Variants in RYR2 observed in about 807,000 individuals in gnomAD.
RYR2 encodes the protein cardiac muscle ryanodine receptor-calcium release channel.
Under a neutral mutation model 601.1 loss-of-function variants are expected in RYR2, and 227 were observed. That is an observed-to-expected ratio of 0.38 (90% CI 0.34 to 0.42). RYR2 has a LOEUF of 0.42. Ranked by LOEUF, RYR2 falls within the 10% of genes least tolerant of loss-of-function variation. The pLI is 1.00. For missense variants in RYR2, 4,646 were observed against 6,156.5 expected (o/e 0.75, Z 8.21); for synonymous variants, 2,223 against 2,175.1 (o/e 1.02, Z -0.61).
At chr1:237,401,425 C>T (rs1376731006) in intron 10 of RYR2, among the ~76,000 whole-genome samples, 1 of 149,652 alleles carries the variant, frequency 6.7e-6, no homozygotes, top group East Asian at 1.9e-4. Flanking sequence ...TCCCATAATC[C>T]CTTTAGATTC....
intron 1 of RYR2, among the ~76,000 whole-genome samples, chr1:237,162,238 T>C (rs1375638205): frequency 6.6e-6 from 1 of 152,188 alleles, no homozygotes; most frequent in Non-Finnish European, 1.5e-5. Flanking sequence ...ATTGGCCACC[T>C]TACTGTTTAT....
chr1:237,260,943 T>C (rs1008311713), intron 1 of RYR2, among the ~76,000 whole-genome samples: 4 of 152,216 alleles, frequency 2.6e-5, no homozygotes, highest in Non-Finnish European at 5.9e-5. Context: ...TGAATAAATA[T>C]AGACTGAGTG....
intron 1 of RYR2, among the ~76,000 whole-genome samples, chr1:237,109,715 C>G (rs1193010274): frequency 1.9e-5 from 1 of 52,424 alleles, no homozygotes; most frequent in African/African-American, 4.2e-5. Flanking sequence ...GAGCGAGACT[C>G]CGTCTCAAAA....
chr1:237,079,399 C>G (rs61831901), intron 1 of RYR2, among the ~76,000 whole-genome samples: 19,579 of 30,040 alleles, frequency 0.65, 6,999 homozygotes, highest in Middle Eastern at 0.78. Flanking sequence ...AGCCCAAAAT[C>G]TCCTTAAGCT....
chr1:237,429,593 A>G (rs2150090511), intron 12 of RYR2, among the ~76,000 whole-genome samples: 2 of 152,272 alleles, frequency 1.3e-5, no homozygotes, highest in South Asian at 4.2e-4. Context: ...CAGAAAGCTG[A>G]ATAGAGTCCA....
In RYR2 at chr1:237,426,863, G is replaced by A. The variant is rs150604876; in HGVS notation, c.1005+3615G>A. Among the ~76,000 whole-genome samples, 16 of 152,234 alleles carry A rather than the reference G, an allele frequency of 1.1e-4. No individual in the cohort carries two copies. The East Asian group carries it at 2.5e-3, about 24-fold the overall frequency. The stretch of plus-strand genomic sequence containing the variant: ...ACTGCATTCCAGCCTGGGCAACACA[G>A]TGAGACCAAGACTTTATAGAAAAAC... On this transcript the variant is annotated intron_variant, in intron 12 of 104. Coordinates refer to ENST00000366574, the MANE Select transcript of RYR2 (RefSeq NM_001035.3).
At chr1:237,407,117 T>G (rs556385349) in intron 10 of RYR2, among the ~76,000 whole-genome samples, 34 of 152,308 alleles carry the variant, frequency 2.2e-4, no homozygotes, top group African/African-American at 7.9e-4. Context: ...TTCTTTCACT[T>G]AGCAATCTGC....
intron 17 of RYR2, among the ~76,000 whole-genome samples, chr1:237,469,764 A>C (rs1020603201): frequency 1.3e-5 from 2 of 152,196 alleles, no homozygotes; most frequent in Non-Finnish European, 2.9e-5. Flanking sequence ...CAAATCCTAG[A>C]GTGTAATATT....
Position 237,625,174 on chromosome 1 carries a change from A to T in RYR2, c.6023-487A>T, listed in dbSNP as rs188840235. Among the ~76,000 whole-genome samples, 13 of 152,200 alleles carry T rather than the reference A, an allele frequency of 8.5e-5. No individual in the cohort carries two copies. The East Asian group carries it at 2.5e-3, about 29-fold the overall frequency. On this transcript the variant is annotated intron_variant, in intron 39 of 104. Coordinates refer to ENST00000366574, the MANE Select transcript of RYR2 (RefSeq NM_001035.3). ...AAACTTTAGAATTACTGCTTCAGAT[A>T]TAAAGCATTCCCTGGTTTAGGGTAC...
chr1:237,363,976 A>G (rs569198121), intron 4 of RYR2, among the ~76,000 whole-genome samples: 4 of 152,240 alleles, frequency 2.6e-5, no homozygotes, highest in South Asian at 4.1e-4. Flanking sequence ...GTTTGTTTTT[A>G]TCACTGCATT....
chr1:237,568,490 A>T (rs1672328403), intron 28 of RYR2, among the ~76,000 whole-genome samples: 1 of 152,196 alleles, frequency 6.6e-6, no homozygotes, highest in South Asian at 2.1e-4. Context: ...ATGAGATTTC[A>T]CTTTATGTAT....
chr1:237,756,171 A>G, intron 80 of RYR2, 117 bp from the exon 81 acceptor site: 7 of 622,902 alleles, frequency 1.1e-5, no homozygotes, highest in Non-Finnish European at 1.2e-5. Flanking sequence ...TGGTGTTGAA[A>G]TGGTCCATAA....
chr1:237,812,510 C>T (rs1661358152), intron 100 of RYR2, among the ~76,000 whole-genome samples: 1 of 152,134 alleles, frequency 6.6e-6, no homozygotes, highest in Admixed American at 6.5e-5. Flanking sequence ...ATAGTGGATT[C>T]AACATCACTG....
At chr1:237,207,489 C>T (rs979442778) in intron 1 of RYR2, among the ~76,000 whole-genome samples, 2 of 152,146 alleles carry the variant, frequency 1.3e-5, no homozygotes, top group African/African-American at 2.4e-5. Flanking sequence ...TTGCTTGAAC[C>T]GAGGAGGCGG....
chr1:237,380,880 C>A (rs927272181), intron 8 of RYR2, among the ~76,000 whole-genome samples: 10 of 152,014 alleles, frequency 6.6e-5, no homozygotes, highest in African/African-American at 2.2e-4. Flanking sequence ...GAATTCAGGA[C>A]CAGCCTGGCC....
intron 12 of RYR2, among the ~76,000 whole-genome samples, chr1:237,429,076 T>C (rs1295577019): frequency 6.6e-6 from 1 of 151,998 alleles, no homozygotes; most frequent in Admixed American, 6.5e-5. Context: ...ACTGGGAACA[T>C]GCCAACAGTT....
At chr1:237,196,489 A>T (rs902528712) in intron 1 of RYR2, among the ~76,000 whole-genome samples, 4 of 152,100 alleles carry the variant, frequency 2.6e-5, no homozygotes, top group African/African-American at 7.2e-5. Flanking sequence ...ATAATTGCTT[A>T]TTGACTCCAC....
intron 1 of RYR2, among the ~76,000 whole-genome samples, chr1:237,048,492 C>T (rs1660865318): frequency 6.6e-6 from 1 of 151,956 alleles, no homozygotes; most frequent in Non-Finnish European, 1.5e-5. Context: ...CTCCTGAAAC[C>T]CTCGTGTCCA....
At chr1:237,281,119 T>A (rs1425330376) in intron 2 of RYR2, among the ~76,000 whole-genome samples, 1 of 152,172 alleles carries the variant, frequency 6.6e-6, no homozygotes, top group South Asian at 2.1e-4. Flanking sequence ...TTTATGCTGG[T>A]ATCCAGTTAA....
Sources: allele counts gnomAD v4.1 joint callset (sites outside exome capture counted in the v4.1 genomes callset), GRCh38; gene constraint gnomAD v4.1.1; transcripts MANE v1.5; gene names NCBI Gene and HGNC (gene_info 2026-07-23, HGNC 2026-07-21).